DMRT1: variants seen among roughly 807,000 people sequenced by gnomAD.
DMRT1 encodes doublesex- and mab-3-related transcription factor 1.
In DMRT1, 7 loss-of-function variants were observed where a neutral mutation model predicts 32.3. That is an observed-to-expected ratio of 0.22 (90% CI 0.12 to 0.41). The LOEUF is 0.41. Among genes scored for constraint, DMRT1 ranks in the 10% least tolerant of loss-of-function variants. The pLI, the probability that DMRT1 is intolerant of heterozygous loss-of-function variation, is 1.00. For synonymous variants in DMRT1, 278 were observed against 206.1 expected, an observed-to-expected ratio of 1.35 and a Z score of -2.99; for missense variants, 625 against 500.5, an observed-to-expected ratio of 1.25 and a Z score of -2.37.
At position 858,865 on chromosome 9, in the gene DMRT1, A is replaced by AT. The variant is rs1815521208; in HGVS notation, c.538+11722_538+11723insT. ...CTCCAGTCTGTCTCAAAAAAAAAAA[A>AT]AAAAAATATATATATATATATATAT... is the stretch of plus-strand genomic sequence containing the variant. On this transcript the variant is annotated intron_variant, in intron 2 of 4. Transcript: ENST00000382276. 4.9e-5 allele frequency among the ~76,000 whole-genome samples: 3 copies of AT among 61,594 alleles called. No individual in the cohort carries two copies. The East Asian group carries it at 9.6e-4, about 20-fold the overall frequency. The allele number at this position is 61,594 out of a possible 152,430, so 40.4% of individuals were successfully genotyped here.
intron 4 of DMRT1, among the ~76,000 whole-genome samples, chr9:951,128 T>C (rs1391482578): frequency 6.6e-6 from 1 of 152,144 alleles, no homozygotes; most frequent in African/African-American, 2.4e-5. Flanking sequence ...TTCTGACAAA[T>C]AATTAAATCC....
chr9:914,250 G>A (rs887253281), intron 3 of DMRT1, among the ~76,000 whole-genome samples: 1 of 151,968 alleles, frequency 6.6e-6, no homozygotes, highest in Admixed American at 6.6e-5. Context: ...GCTGTTTTCC[G>A]AGTATAGCTT....
chr9:847,566 C>T (rs78019630), intron 2 of DMRT1, among the ~76,000 whole-genome samples: 1,857 of 152,266 alleles, frequency 0.012, 19 homozygotes, highest in Non-Finnish European at 0.019. Flanking sequence ...TTTGAATGAG[C>T]GGGAAGTAAC....
At chr9:937,914 C>A (rs997109772) in intron 4 of DMRT1, among the ~76,000 whole-genome samples, 3 of 151,536 alleles carry the variant, frequency 2.0e-5, no homozygotes, top group African/African-American at 7.3e-5. Context: ...ATTTAAGAAA[C>A]CATTGTCAAA....
chr9:907,892 A>C (rs534425532), intron 3 of DMRT1, among the ~76,000 whole-genome samples: 15 of 151,710 alleles, frequency 9.9e-5, no homozygotes, highest in African/African-American at 2.9e-4. Context: ...CTGCATACTG[A>C]ATTATTTGAG....
chr9:904,122 A>G (rs1297901339), intron 3 of DMRT1, among the ~76,000 whole-genome samples: 1 of 152,236 alleles, frequency 6.6e-6, no homozygotes, highest in Non-Finnish European at 1.5e-5. Flanking sequence ...CAGTAGCATT[A>G]GGTTAGTAAA....
intron 4 of DMRT1, among the ~76,000 whole-genome samples, chr9:946,524 A>T (rs1819251804): frequency 6.6e-6 from 1 of 152,208 alleles, no homozygotes; most frequent in African/African-American, 2.4e-5. Flanking sequence ...GTCACAGGTC[A>T]TAAGACAAGC....
At chr9:946,989 G>C (rs1270404927) in intron 4 of DMRT1, among the ~76,000 whole-genome samples, 1 of 152,202 alleles carries the variant, frequency 6.6e-6, no homozygotes, top group African/African-American at 2.4e-5. Context: ...TGCAGAATTA[G>C]CTAACGATTT....
At chr9:881,609 G>A (rs1816739214) in intron 2 of DMRT1, among the ~76,000 whole-genome samples, 1 of 152,192 alleles carries the variant, frequency 6.6e-6, no homozygotes, top group Admixed American at 6.5e-5. Context: ...ATTTTAAGTT[G>A]TTTGATTACA....
chr9:964,866 C>A (rs1819884509), intron 4 of DMRT1, among the ~76,000 whole-genome samples: 1 of 152,190 alleles, frequency 6.6e-6, no homozygotes, highest in South Asian at 2.1e-4. Context: ...ATTTCTAGTG[C>A]TACCAATACT....
intron 4 of DMRT1, among the ~76,000 whole-genome samples, chr9:930,636 C>T (rs963994308): frequency 6.6e-6 from 1 of 152,020 alleles, no homozygotes; most frequent in Admixed American, 6.6e-5. Context: ...TCTCGATCTC[C>T]TGACCTCGTG....
At chr9:931,622 G>T (rs1818729063) in intron 4 of DMRT1, among the ~76,000 whole-genome samples, 1 of 152,208 alleles carries the variant, frequency 6.6e-6, no homozygotes, top group Non-Finnish European at 1.5e-5. Flanking sequence ...CTGGGTTGTA[G>T]ACTGCCATCT....
chr9:936,920 A>G (rs1160425787), intron 4 of DMRT1, among the ~76,000 whole-genome samples: 1 of 152,208 alleles, frequency 6.6e-6, no homozygotes, highest in African/African-American at 2.4e-5. Flanking sequence ...ATCTTGTATA[A>G]CCATCACCAC....
intron 4 of DMRT1, among the ~76,000 whole-genome samples, chr9:966,306 G>A (rs757726241): frequency 7.2e-5 from 11 of 151,836 alleles, no homozygotes; most frequent in Non-Finnish European, 1.0e-4. Context: ...ATGCATATGC[G>A]TGCTTTTTTG....
chr9:953,030 A>T lies in DMRT1; in HGVS notation c.968-14955A>T, dbSNP rs188648137. Among the ~76,000 whole-genome samples the T allele has an allele frequency of 1.6e-3, 250 of 152,334 alleles. 3 individuals carry two copies. The highest frequency in any genetic ancestry group is 0.011 in the Admixed American group (173 of 15,308). ...GTTTTGAAAGATACACATCTTTGAA[A>T]TGTGTAGAGACTTTCTTTGTGGACT... On this transcript the variant is annotated intron_variant, in intron 4 of 4. Transcript: ENST00000382276.
chr9:860,437 G>C (rs551284802), intron 2 of DMRT1, among the ~76,000 whole-genome samples: 5 of 152,288 alleles, frequency 3.3e-5, no homozygotes, highest in African/African-American at 1.2e-4. Context: ...TTTGCTGTCT[G>C]AGCAAGATTT....
At chr9:923,402 A>G (rs10739185) in intron 4 of DMRT1, among the ~76,000 whole-genome samples, 106,933 of 151,962 alleles carry the variant, frequency 0.7, 38,391 homozygotes, top group South Asian at 0.89. Context: ...GGCAGTACCA[A>G]ATGCTTCCCT....
chr9:890,646 G>A (rs1010492234), intron 2 of DMRT1, among the ~76,000 whole-genome samples: 1 of 152,118 alleles, frequency 6.6e-6, no homozygotes, highest in African/African-American at 2.4e-5. Flanking sequence ...GCCATGCATT[G>A]TGCTGGAAAT....
At chr9:871,710 G>A (rs1345306971) in intron 2 of DMRT1, among the ~76,000 whole-genome samples, 2 of 148,914 alleles carry the variant, frequency 1.3e-5, no homozygotes, top group East Asian at 2.0e-4. Context: ...TCCTGACCTC[G>A]TGATTCGCCC....
Sources: gnomAD v4.1 joint callset for allele counts (sites outside exome capture counted in the v4.1 genomes callset) on GRCh38, gnomAD v4.1.1 for gene constraint, MANE v1.5 for transcripts, NCBI Gene and HGNC (gene_info 2026-07-23, HGNC 2026-07-21) for gene names.